PLEKHM1: variants seen among roughly 807,000 people sequenced by gnomAD.
The protein encoded by PLEKHM1 is pleckstrin homology and RUN domain containing M1, also known as pleckstrin homology domain-containing family M member 1.
PLEKHM1 carries 28 observed loss-of-function variants against 94.3 expected under a neutral mutation model. The ratio of observed to expected loss-of-function variants is 0.30; its 90% CI spans 0.22 to 0.41. The LOEUF (loss-of-function observed/expected upper bound fraction) is 0.41. PLEKHM1 is among the 10% of genes least tolerant of loss of function. PLEKHM1 has a pLI of 1.00. For synonymous variants in PLEKHM1, 424 were observed against 581.2 expected (o/e 0.73, Z 3.89); for missense variants, 907 against 1,358.6 (o/e 0.67, Z 5.22).
At chr17:45,442,261 A>G (rs117649063) in intron 9 of PLEKHM1, among the ~76,000 whole-genome samples, 4,036 of 152,194 alleles carry the variant, frequency 0.027, 81 homozygotes, top group Non-Finnish European at 0.044. Context: ...AGACCTTCCC[A>G]TGTCTCAGCC....
chr17:45,485,105 C>T (rs2052069572), intron 1 of PLEKHM1, among the ~76,000 whole-genome samples: 1 of 151,978 alleles, frequency 6.6e-6, no homozygotes, highest in Admixed American at 6.6e-5. Flanking sequence ...GACTGCCTCA[C>T]CCTTCACCAT....
In PLEKHM1 at chr17:45,436,645, T is replaced by C. The variant is rs1205880458; in HGVS notation, c.*1213A>G. The stretch of plus-strand genomic sequence containing the variant: ...AAGCCTGGAGGGTCTGACCATCACT[T>C]TGAAAACAATTCCAGACTCCCACCC... On this transcript the variant is annotated 3_prime_UTR_variant, in exon 12 of 12. Coordinates refer to ENST00000430334, the MANE Select transcript of PLEKHM1 (RefSeq NM_014798.3). The C allele has an allele frequency of 2.2e-6, 1 of 454,068 alleles. No individual in the cohort carries two copies. Among genetic ancestry groups the C allele is most frequent in the Non-Finnish European group, 4.4e-6 (1 of 226,778 alleles). The allele number at this position is 454,068 out of a possible 1,614,324, so 28.1% of individuals were successfully genotyped here.
intron 3 of PLEKHM1, chr17:45,477,349 G>C (rs1257275779): frequency 1.6e-5 from 3 of 183,596 alleles, no homozygotes; most frequent in Admixed American, 1.1e-4. Context: ...CAGGAGAATT[G>C]CTTGAACCTG....
rs182081349 is a variant in PLEKHM1 at position 45,474,536 on chromosome 17, T to C, written c.923+564A>G. On this transcript the variant is annotated intron_variant, in intron 4 of 11. Transcript: ENST00000430334. ...GGTATTCTGTGAAGTCACACTCTTA[T>C]GCGTTATGTTTCATCTATTTGTTGG... Among the ~76,000 whole-genome samples the C allele has an allele frequency of 1.3e-4, 20 of 152,328 alleles. No homozygotes were observed. In the East Asian group the frequency reaches 3.7e-3, roughly 28 times the overall value.
Position 45,478,444 on chromosome 17 carries a change from C to CTTA in PLEKHM1, c.49-300_49-298dup, listed in dbSNP as rs143071911. On this transcript the variant is annotated intron_variant, in intron 2 of 11. Coordinates refer to ENST00000430334, the MANE Select transcript of PLEKHM1 (RefSeq NM_014798.3). ...GTTTTTTAGACCAAACTTAAGTGAA[C>CTTA]TTAGAGCCATATAATCTTGTGTTTA... Among the ~76,000 whole-genome samples, 1,504 of 152,264 alleles carry CTTA rather than the reference C, an allele frequency of 9.9e-3. 31 individuals are homozygous for CTTA. The highest frequency in any genetic ancestry group is 0.035 in the African/African-American group (1,457 of 41,524).
intron 1 of PLEKHM1, among the ~76,000 whole-genome samples, chr17:45,483,948 G>A (rs1004178504): frequency 1.8e-4 from 28 of 152,158 alleles, no homozygotes; most frequent in African/African-American, 6.5e-4. Flanking sequence ...TTGGCCAAAG[G>A]GATTTCAAAA....
rs1051598425 is a variant in PLEKHM1 at position 45,445,925 on chromosome 17, A to G, written c.2644-262T>C. On this transcript the variant is annotated intron_variant, in intron 8 of 11. Coordinates refer to ENST00000430334, the MANE Select transcript of PLEKHM1 (RefSeq NM_014798.3). The surrounding 1 kb of genome is among the most constrained non-coding windows in gnomAD (Gnocchi z 4.2). ...AAGGGTCACTGCCCCCTCCCCAATC[A>G]TGCTGAGATGAGGGAGGGACTGCTC... Among the ~76,000 whole-genome samples, 1 of 152,048 alleles carries G rather than the reference A, an allele frequency of 6.6e-6. No individual in the cohort carries two copies. The highest frequency in any genetic ancestry group is 2.4e-5 in the African/African-American group (1 of 41,408).
At chr17:45,438,272 G>A (rs767699525) in intron 11 of PLEKHM1, among the ~76,000 whole-genome samples, 1 of 152,118 alleles carries the variant, frequency 6.6e-6, no homozygotes, top group Non-Finnish European at 1.5e-5. Flanking sequence ...AGTGGCTCAC[G>A]CCTTTAATCC....
chr17:45,478,642 TGA>T (rs1329442702), intron 2 of PLEKHM1, among the ~76,000 whole-genome samples: 1 of 152,106 alleles, frequency 6.6e-6, no homozygotes, highest in Non-Finnish European at 1.5e-5. Context: ...AATAAAAACA[TGA>T]GGAGAACAGG....
At chr17:45,448,898 T>C (rs2050689287) in intron 8 of PLEKHM1, among the ~76,000 whole-genome samples, 2 of 152,162 alleles carry the variant, frequency 1.3e-5, no homozygotes, top group South Asian at 4.1e-4. Flanking sequence ...CCAAGCTTCT[T>C]ATAAAGCAGT....
chr17:45,463,092 A>G (rs1433489076), intron 5 of PLEKHM1, among the ~76,000 whole-genome samples: 1 of 151,558 alleles, frequency 6.6e-6, no homozygotes, highest in Non-Finnish European at 1.5e-5. Context: ...TGTCAAAAAA[A>G]AAAAAAAAAA....
In PLEKHM1 at chr17:45,435,930, A is replaced by G. The variant is rs1240396738; in HGVS notation, c.*1928T>C. 1 of 456,164 alleles carries G rather than the reference A, an allele frequency of 2.2e-6. No individual in the cohort carries two copies. Among genetic ancestry groups the G allele is most frequent in the Non-Finnish European group, 4.4e-6 (1 of 226,628 alleles). The allele number at this position is 456,164 out of a possible 1,614,324, so 28.3% of individuals were successfully genotyped here. A position where few individuals can be genotyped will look rare whatever the true frequency, so the allele number is the denominator to read the frequency against. ...AGAAAGATCAGGTCTTTACTGCAAA[A>G]TCATTCAAAACTCACACGGCAGCAA... On this transcript the variant is annotated 3_prime_UTR_variant, in exon 12 of 12. Coordinates refer to ENST00000430334, the MANE Select transcript of PLEKHM1 (RefSeq NM_014798.3).
In PLEKHM1 at chr17:45,454,458, G is replaced by A. The variant is rs138922351; in HGVS notation, c.1580-186C>T. ...GGATGGGAACATCCCCATTCTCACCGTCCACTGCTGCTCTTGCGTCCTGTA... is the reference window on the plus strand; with the variant it reads ...GGATGGGAACATCCCCATTCTCACCATCCACTGCTGCTCTTGCGTCCTGTA... On this transcript the variant is annotated intron_variant, in intron 6 of 11. Transcript: ENST00000430334. 1,412 of 657,394 alleles carry A rather than the reference G, an allele frequency of 2.1e-3. 16 individuals carry two copies. In the African/African-American group the frequency reaches 0.022, roughly 10 times the overall value. 40.7% of individuals were successfully genotyped at this position (657,394 alleles called of 1,614,324 possible).
At chr17:45,441,664 C>T (rs1025189163) in intron 9 of PLEKHM1, among the ~76,000 whole-genome samples, 7 of 152,166 alleles carry the variant, frequency 4.6e-5, no homozygotes, top group African/African-American at 1.4e-4. Flanking sequence ...GTGGCTTCTC[C>T]GCAGTGCTCA....
At chr17:45,440,053 G>C in intron 10 of PLEKHM1, 110 bp downstream of exon 10, 2 of 1,039,946 alleles carry the variant, frequency 1.9e-6, no homozygotes, top group Non-Finnish European at 3.0e-6. Flanking sequence ...GCTACAGACT[G>C]CTGTCTTCTT....
chr17:45,457,725 A>AAAACAAAC (rs1187626258), intron 6 of PLEKHM1, among the ~76,000 whole-genome samples: 4 of 152,170 alleles, frequency 2.6e-5, no homozygotes, highest in Non-Finnish European at 1.5e-5. Context: ...ACTCCATCTC[A>AAAACAAAC]AAACAAACAA....
chr17:45,436,705 C>T lies in PLEKHM1; in HGVS notation c.*1153G>A, dbSNP rs1169709500. On this transcript the variant is annotated 3_prime_UTR_variant, in exon 12 of 12. Transcript: ENST00000430334. ...GGCCCCTTCAAAGGCAGTCCTGCTC[C>T]GGGGAACTTCTTCAGTCTCCAGTGT... 5 of 454,010 alleles carry T rather than the reference C, an allele frequency of 1.1e-5. No individual in the cohort carries two copies. The highest frequency in any genetic ancestry group is 6.0e-5 in the African/African-American group (3 of 50,006). The allele number at this position is 454,010 out of a possible 1,614,324, so 28.1% of individuals were successfully genotyped here.
chr17:45,453,858 G>A lies in PLEKHM1; in HGVS notation c.1994C>T (p.Ala665Val), dbSNP rs775326791. 3.7e-6 allele frequency: 6 copies of A among 1,613,994 alleles called. No homozygotes were observed. The highest frequency in any genetic ancestry group is 1.3e-5 in the African/African-American group (1 of 75,066). Residue 665 changes from alanine to valine, a missense_variant, in exon 7 of 12, where the codon GCG (alanine) becomes GTG (valine). Physicochemically the swap from Ala to Val is moderately conservative, Grantham distance 64. Transcript: ENST00000430334. This position sits in a 1 kb window ranked among gnomAD's most constrained non-coding sequence, Gnocchi z 4.1. ...GTCAAACTGTGTGCCCTGGAGGGCC[G>A]CGGGCTCCGAGAGCAGGTCTGAGGG... ...LSPSDLLSEP[A>V]ALQGTQFDWS...
Position 45,475,644 on chromosome 17 carries a change from T to C in PLEKHM1, c.379A>G (p.Asn127Asp). 1 of 1,613,572 alleles carries C rather than the reference T, an allele frequency of 6.2e-7. No homozygotes were observed. Among genetic ancestry groups the C allele is most frequent in the Non-Finnish European group, 8.5e-7 (1 of 1,179,968 alleles). Reference protein sequence around the residue: ...RCRAWLRLALNDGLMECYLKL... With the variant: ...RCRAWLRLALDDGLMECYLKL... ...AGGTAGCACTCCATCAGGCCATCGT[T>C]CAGGGCCAGCCGCAGCCATGCCCGG... The change falls in exon 4 of 12, where the codon AAC becomes GAC. Residue 127 changes from asparagine (N) to aspartate (D), a missense_variant. Physicochemically the swap from Asn to Asp is conservative, Grantham distance 23 (BLOSUM62 1). Coordinates refer to ENST00000430334, the MANE Select transcript of PLEKHM1 (RefSeq NM_014798.3).
Sources: gnomAD v4.1 joint callset for allele counts (sites outside exome capture counted in the v4.1 genomes callset) on GRCh38, gnomAD v4.1.1 for gene constraint, Gnocchi (gnomAD v3.1) non-coding constraint, MANE v1.5 for transcripts, NCBI Gene and HGNC (gene_info 2026-07-23, HGNC 2026-07-21) for gene names.